The following LGSN variants were observed in gnomAD, a reference collection of about 807,000 sequenced individuals.
LGSN encodes lengsin.
LGSN carries 21 observed loss-of-function variants against 19.5 expected under a neutral mutation model. The observed-to-expected ratio is 1.07, with a 90% CI of 0.76 to 1.55. LGSN has a LOEUF of 1.55. Ranked by LOEUF, LGSN falls within the 40% of genes most tolerant of loss-of-function variation. LGSN has a pLI of 0.00. For synonymous variants in LGSN, 257 were observed against 215.6 expected (o/e 1.19, Z -1.68); for missense variants, 673 against 608.5 (o/e 1.11, Z -1.12).
chr6:63,412,427 AAAGAAAGAAAGAAAGC>A, the LGSN span, among the ~76,000 whole-genome samples: 10 of 138,376 alleles, frequency 7.2e-5, no homozygotes, highest in East Asian at 2.0e-4. Flanking sequence ...AGAAAGAAAG[AAAGAAAGAAAGAAAGC>A]AAGAAAGAAA....
the LGSN span, among the ~76,000 whole-genome samples, chr6:63,394,772 C>T: frequency 6.6e-6 from 1 of 152,234 alleles, no homozygotes; most frequent in Non-Finnish European, 1.5e-5. Context: ...GGGCCCAATG[C>T]AGCCACTGCC....
the LGSN span, among the ~76,000 whole-genome samples, chr6:63,349,415 C>T: frequency 6.6e-6 from 1 of 152,150 alleles, no homozygotes; most frequent in African/African-American, 2.4e-5. Context: ...ACACCTTCTC[C>T]TAGGTATTCA....
At chr6:63,336,519 CTG>C in the LGSN span, among the ~76,000 whole-genome samples, 44,510 of 131,426 alleles carry the variant, frequency 0.34, 7,497 homozygotes, top group Middle Eastern at 0.36. Context: ...TATAGAATAT[CTG>C]TGTGTGTGTG....
Position 63,285,514 on chromosome 6 carries a change from G to A in LGSN, c.330+73C>T, listed in dbSNP as rs553611044. 78 of 1,170,268 alleles carry A rather than the reference G, an allele frequency of 6.7e-5. 1 individual carries two copies. In the South Asian group the frequency reaches 1.1e-3, roughly 17 times the overall value. 72.5% of individuals were successfully genotyped at this position (1,170,268 alleles called of 1,614,324 possible). A position where few individuals can be genotyped will look rare whatever the true frequency, so the allele number is the denominator to read the frequency against. On this transcript the variant is annotated intron_variant, in intron 3 of 3. Transcript: ENST00000370657. Reference sequence around the variant, plus strand: ...GCTGTATAAGATTACAAGAAAATAAGAAAGAGTAATAAGAACTGTTTGCTT... The same window carrying A: ...GCTGTATAAGATTACAAGAAAATAAAAAAGAGTAATAAGAACTGTTTGCTT...
chr6:63,356,791 C>A, the LGSN span, among the ~76,000 whole-genome samples: 1 of 152,090 alleles, frequency 6.6e-6, no homozygotes, highest in East Asian at 1.9e-4. Flanking sequence ...ATCTTTAAAG[C>A]ATCTTTATGG....
At chr6:63,410,068 T>C in the LGSN span, among the ~76,000 whole-genome samples, 119 of 152,148 alleles carry the variant, frequency 7.8e-4, no homozygotes, top group Middle Eastern at 3.4e-3. Flanking sequence ...AATAATAAGG[T>C]ATTACCTCAT....
chr6:63,340,360 C>A, the LGSN span, among the ~76,000 whole-genome samples: 1 of 152,050 alleles, frequency 6.6e-6, no homozygotes, highest in East Asian at 1.9e-4. Context: ...AGATTTTCTA[C>A]ATGTTTCCCC....
chr6:63,464,059 C>T, the LGSN span, among the ~76,000 whole-genome samples: 2 of 151,378 alleles, frequency 1.3e-5, no homozygotes, highest in Admixed American at 6.6e-5. Context: ...GACAATGAAC[C>T]GATCATTACT....
rs1397677250 is a variant in LGSN, at chr6:63,280,114, G to C, written c.1437C>G (p.Thr479=). Residue 479 remains threonine (T), a synonymous_variant, in exon 4 of 4, where the codon ACC becomes ACG. Coordinates refer to ENST00000370657, the MANE Select transcript of LGSN (RefSeq NM_016571.3). ...TCATGGCAACAAAATATCGAATAAA[G>C]GTTTCTCCTAGAGCCTGTCTCAGGC... ...DQCLRQALGE[T]FIRYFVAMKK... 3.1e-6 allele frequency: 5 copies of C among 1,613,976 alleles called. No homozygotes were observed. The African/African-American group carries it at 4.0e-5, about 13-fold the overall frequency.
the LGSN span, chr6:63,572,812 C>T: frequency 3.0e-5 from 12 of 396,772 alleles, no homozygotes; most frequent in African/African-American, 1.6e-4. Context: ...CCGGCGTCTC[C>T]TCCAGGTTGC....
At chr6:63,472,997 T>C in the LGSN span, among the ~76,000 whole-genome samples, 6 of 151,546 alleles carry the variant, frequency 4.0e-5, no homozygotes. Flanking sequence ...TTTTGCCCAA[T>C]TCAAGGCCAC....
At chr6:63,383,314 C>A in the LGSN span, among the ~76,000 whole-genome samples, 1 of 150,964 alleles carries the variant, frequency 6.6e-6, no homozygotes, top group Non-Finnish European at 1.5e-5. Context: ...GGAAGTCAAC[C>A]AACTCATAGG....
At chr6:63,357,876 C>T in the LGSN span, among the ~76,000 whole-genome samples, 3 of 152,004 alleles carry the variant, frequency 2.0e-5, no homozygotes, top group South Asian at 2.1e-4. Context: ...GTTGCCATTG[C>T]TTTTGGTGTT....
the LGSN span, among the ~76,000 whole-genome samples, chr6:63,350,592 C>T: frequency 6.6e-6 from 1 of 152,186 alleles, no homozygotes; most frequent in Admixed American, 6.5e-5. Context: ...TGGCTCACGC[C>T]TATAATCCCA....
chr6:63,340,838 TTGTGTG>T, the LGSN span, among the ~76,000 whole-genome samples: 77 of 146,804 alleles, frequency 5.2e-4, 1 homozygote, highest in East Asian at 6.8e-3. Flanking sequence ...TTTTTATGGT[TTGTGTG>T]TGTGTGTGTG....
At chr6:63,465,899 A>G in the LGSN span, among the ~76,000 whole-genome samples, 5 of 152,210 alleles carry the variant, frequency 3.3e-5, no homozygotes, top group Non-Finnish European at 7.3e-5. Context: ...GTGGCTGGAA[A>G]CAAGTGAAAA....
chr6:63,405,481 T>C, the LGSN span, among the ~76,000 whole-genome samples: 1 of 152,218 alleles, frequency 6.6e-6, no homozygotes, highest in Non-Finnish European at 1.5e-5. Context: ...TTTCCTGACA[T>C]TTTAATGATT....
Position 63,292,967 on chromosome 6 carries a change from A to G in LGSN, c.163+1946T>C, listed in dbSNP as rs551169499. Among the ~76,000 whole-genome samples the G allele has an allele frequency of 2.3e-4, 35 of 152,226 alleles. 2 individuals are homozygous for G. In the South Asian group the frequency reaches 7.3e-3, roughly 32 times the overall value. ...CACTCTGGTATATTCTCATCTTTCC[A>G]AATCTTGTATGTTTAACCCTGTCAT... On this transcript the variant is annotated intron_variant, in intron 2 of 3. Transcript: ENST00000370657.
At chr6:63,554,394 C>G in the LGSN span, among the ~76,000 whole-genome samples, 1 of 152,172 alleles carries the variant, frequency 6.6e-6, no homozygotes, top group African/African-American at 2.4e-5. Context: ...AGTCCCAAAT[C>G]CTTAGAAGAC....
Sources: gnomAD v4.1 joint callset for allele counts (sites outside exome capture counted in the v4.1 genomes callset) on GRCh38, gnomAD v4.1.1 for gene constraint, MANE v1.5 for transcripts, NCBI Gene and HGNC (gene_info 2026-07-23, HGNC 2026-07-21) for gene names.